The following CDS2 variants were observed in gnomAD, a reference collection of about 807,000 sequenced individuals.
The protein encoded by CDS2 is CDP-diacylglycerol synthase 2, also known as phosphatidate cytidylyltransferase 2.
CDS2 carries 47 observed loss-of-function variants against 59.0 expected under a neutral mutation model. The observed-to-expected ratio is 0.80, with a 90% CI of 0.63 to 1.02. The LOEUF is 1.02. Ranked by LOEUF, CDS2 falls within the 50% of genes least tolerant of loss-of-function variation. The probability of loss-of-function intolerance (pLI) is 0.00; values close to 1 mark genes in which losing one functional copy is unlikely to be tolerated. For synonymous variants in CDS2, 207 were observed against 206.4 expected (o/e 1.00, Z -0.02); for missense variants, 356 against 558.9 (o/e 0.64, Z 3.66).
intron 1 of CDS2, among the ~76,000 whole-genome samples, chr20:5,136,015 T>C (rs770803211): frequency 6.6e-6 from 1 of 152,192 alleles, no homozygotes; most frequent in Non-Finnish European, 1.5e-5. Flanking sequence ...TTGGGGCTTC[T>C]CTGTAAAGAC....
chr20:5,178,272 A>C (rs1187009988), intron 4 of CDS2, among the ~76,000 whole-genome samples: 2 of 152,266 alleles, frequency 1.3e-5, no homozygotes, highest in Non-Finnish European at 2.9e-5. Context: ...TGCTATAGAA[A>C]TAAATGCAGG....
chr20:5,187,495 C>G (rs2091078182), intron 10 of CDS2: 1 of 152,060 alleles, frequency 6.6e-6, no homozygotes, highest in Admixed American at 6.6e-5. Flanking sequence ...GTAAATTTTA[C>G]TTGGAAAGAA....
At chr20:5,189,261 C>A (rs375435247) in intron 11 of CDS2, 75 bp downstream of exon 11, 1 of 1,564,878 alleles carries the variant, frequency 6.4e-7, no homozygotes, top group Non-Finnish European at 8.8e-7. Flanking sequence ...TTCCCTGCCC[C>A]CTCCAAAATA....
chr20:5,176,423 G>A (rs886331717), intron 3 of CDS2: 6 of 517,730 alleles, frequency 1.2e-5, no homozygotes, highest in Non-Finnish European at 2.1e-5. Flanking sequence ...ACATCAGGGT[G>A]TGTATTTTAT....
In CDS2 at chr20:5,127,078, G is replaced by T; in HGVS notation, c.-15G>T. The T allele has an allele frequency of 6.7e-7, 1 of 1,491,626 alleles. No homozygotes were observed. The highest frequency in any genetic ancestry group is 8.9e-7 in the Non-Finnish European group (1 of 1,120,182). The allele number at this position is 1,491,626 out of a possible 1,614,324, so 92.4% of individuals were successfully genotyped here. On this transcript the variant is annotated 5_prime_UTR_variant, in exon 1 of 13. Coordinates refer to ENST00000460006, the MANE Select transcript of CDS2 (RefSeq NM_003818.4). ...CGCTGCTAGCTCGCGGCGACGTCGG[G>T]CCGATTTTCCCAGGATGACAGAGCT...
intron 1 of CDS2, among the ~76,000 whole-genome samples, chr20:5,143,240 A>G (rs1403412332): frequency 6.6e-6 from 1 of 152,188 alleles, no homozygotes; most frequent in Non-Finnish European, 1.5e-5. Context: ...ATAAGATACA[A>G]CTGCACACCC....
intron 1 of CDS2, among the ~76,000 whole-genome samples, chr20:5,161,220 T>G (rs1322537456): frequency 6.6e-6 from 1 of 152,246 alleles, no homozygotes; most frequent in Non-Finnish European, 1.5e-5. Flanking sequence ...ACTTGTTATT[T>G]TGGTTTTTCT....
intron 1 of CDS2, among the ~76,000 whole-genome samples, chr20:5,156,058 GCTT>G (rs1338577794): frequency 6.6e-6 from 1 of 152,146 alleles, no homozygotes; most frequent in Non-Finnish European, 1.5e-5. Flanking sequence ...TCAGAGCTGT[GCTT>G]TTTGAAGATT....
chr20:5,127,348 G>A (rs976504397), intron 1 of CDS2, among the ~76,000 whole-genome samples, 199 bp downstream of exon 1: 2 of 152,148 alleles, frequency 1.3e-5, no homozygotes, highest in Non-Finnish European at 2.9e-5. Context: ...TCGGGGTCCC[G>A]GCTCAGGGTC....
At chr20:5,153,433 T>G (rs1831816462) in intron 1 of CDS2, among the ~76,000 whole-genome samples, 1 of 152,206 alleles carries the variant, frequency 6.6e-6, no homozygotes, top group African/African-American at 2.4e-5. Flanking sequence ...GGGGAGCCAC[T>G]AGCCTGACTT....
intron 1 of CDS2, among the ~76,000 whole-genome samples, chr20:5,171,259 T>C (rs1202667441): frequency 6.6e-6 from 1 of 152,214 alleles, no homozygotes; most frequent in Non-Finnish European, 1.5e-5. Context: ...GTTCCTGTCC[T>C]TCCCTGCCTG....
intron 10 of CDS2, chr20:5,187,737 A>C (rs1322319091): frequency 6.6e-6 from 1 of 152,094 alleles, no homozygotes; most frequent in African/African-American, 2.4e-5. Context: ...AAAAAAATAT[A>C]GCTGGGGATG....
intron 1 of CDS2, among the ~76,000 whole-genome samples, chr20:5,169,873 T>C (rs1409277295): frequency 6.6e-6 from 1 of 152,194 alleles, no homozygotes; most frequent in Non-Finnish European, 1.5e-5. Context: ...AGGCAAATGC[T>C]GTGCCCAGAT....
chr20:5,160,992 G>A (rs964884821), intron 1 of CDS2, among the ~76,000 whole-genome samples: 3 of 152,144 alleles, frequency 2.0e-5, no homozygotes, highest in African/African-American at 7.2e-5. Flanking sequence ...TGTTTATTGT[G>A]AATAAGGCTG....
chr20:5,137,906 C>G (rs1362685914), intron 1 of CDS2, among the ~76,000 whole-genome samples: 2 of 151,770 alleles, frequency 1.3e-5, no homozygotes, highest in Non-Finnish European at 2.9e-5. Flanking sequence ...TCACGACATT[C>G]TCCTGCCTCA....
intron 1 of CDS2, among the ~76,000 whole-genome samples, chr20:5,172,762 C>G (rs1294159275): frequency 2.6e-5 from 4 of 152,234 alleles, no homozygotes; most frequent in Non-Finnish European, 5.9e-5. Flanking sequence ...CTCATAGCAA[C>G]TATTCTGAAT....
intron 1 of CDS2, among the ~76,000 whole-genome samples, chr20:5,170,021 G>T (rs544735026): frequency 3.2e-4 from 49 of 152,240 alleles, no homozygotes; most frequent in African/African-American, 1.1e-3. Flanking sequence ...AGTGCGGCAG[G>T]CACCTGCTGC....
rs1000464762 is a variant in CDS2, at chr20:5,127,071, A to G, written c.-22A>G. Reference sequence around the variant, plus strand: ...GCGGCTTCGCTGCTAGCTCGCGGCGACGTCGGGCCGATTTTCCCAGGATGA... The same window carrying G: ...GCGGCTTCGCTGCTAGCTCGCGGCGGCGTCGGGCCGATTTTCCCAGGATGA... On this transcript the variant is annotated 5_prime_UTR_variant, in exon 1 of 13. Coordinates refer to ENST00000460006, the MANE Select transcript of CDS2 (RefSeq NM_003818.4). 8.7e-6 allele frequency: 13 copies of G among 1,488,026 alleles called. No individual in the cohort carries two copies. The Admixed American group carries it at 3.1e-4, about 35-fold the overall frequency. 92.2% of individuals were successfully genotyped at this position (1,488,026 alleles called of 1,614,324 possible).
intron 1 of CDS2, among the ~76,000 whole-genome samples, chr20:5,129,101 T>C (rs896815238): frequency 2.0e-5 from 3 of 152,150 alleles, no homozygotes; most frequent in African/African-American, 7.2e-5. Context: ...ATATCACTTA[T>C]ACAGTGACAG....
Sources: allele counts gnomAD v4.1 joint callset (sites outside exome capture counted in the v4.1 genomes callset), GRCh38; gene constraint gnomAD v4.1.1; transcripts MANE v1.5; gene names NCBI Gene and HGNC (gene_info 2026-07-23, HGNC 2026-07-21).